Variants in DENND4A observed in about 807,000 individuals in gnomAD.
DENND4A encodes C-myc promoter-binding protein.
A neutral mutation model predicts 199.3 loss-of-function variants in DENND4A; 70 were observed. That is an observed-to-expected ratio of 0.35 (90% CI 0.29 to 0.43). The LOEUF (loss-of-function observed/expected upper bound fraction) is 0.43. Among genes scored for constraint, DENND4A ranks in the 20% least tolerant of loss-of-function variants. DENND4A has a pLI of 1.00. For missense variants in DENND4A, 1,723 were observed against 2,255.8 expected (o/e 0.76, Z 4.78); for synonymous variants, 686 against 766.9 (o/e 0.89, Z 1.74).
intron 11 of DENND4A, chr15:65,725,939 T>C (rs998013216): frequency 4.6e-5 from 7 of 152,138 alleles, no homozygotes; most frequent in African/African-American, 1.7e-4. Context: ...GAAATTCTAA[T>C]TGAAGGAAAG....
At chr15:65,710,458 C>A (rs909425062) in intron 14 of DENND4A, among the ~76,000 whole-genome samples, 4 of 152,116 alleles carry the variant, frequency 2.6e-5, no homozygotes, top group Non-Finnish European at 5.9e-5. Flanking sequence ...AATAGTTACA[C>A]AAATGTATGC....
intron 1 of DENND4A, among the ~76,000 whole-genome samples, chr15:65,774,312 G>A (rs1186393559): frequency 6.6e-6 from 1 of 152,150 alleles, no homozygotes. Context: ...CCAACATGGA[G>A]AAACCCAGTC....
At chr15:65,757,266 G>GC (rs930540474) in intron 2 of DENND4A, among the ~76,000 whole-genome samples, 2 of 147,588 alleles carry the variant, frequency 1.4e-5, no homozygotes, top group African/African-American at 5.0e-5. Flanking sequence ...CTGAGATGGG[G>GC]GGGGGGGGGT....
At chr15:65,778,869 G>A (rs1017730165) in intron 1 of DENND4A, among the ~76,000 whole-genome samples, 12 of 150,072 alleles carry the variant, frequency 8.0e-5, no homozygotes, top group African/African-American at 1.5e-4. Context: ...ACTCCAGCCC[G>A]GGTGACACAA....
chr15:65,776,126 T>A (rs188786426), intron 1 of DENND4A, among the ~76,000 whole-genome samples: 21 of 152,336 alleles, frequency 1.4e-4, no homozygotes, highest in Non-Finnish European at 2.6e-4. Flanking sequence ...TCTTTGAACA[T>A]CTATTCTTCT....
intron 1 of DENND4A, among the ~76,000 whole-genome samples, chr15:65,767,552 C>T (rs2077019046): frequency 6.6e-6 from 1 of 152,192 alleles, no homozygotes; most frequent in African/African-American, 2.4e-5. Context: ...AGCAATTCTC[C>T]TACCTTGCCT....
At chr15:65,683,904 C>A (rs2076665081) in intron 23 of DENND4A, among the ~76,000 whole-genome samples, 1 of 152,212 alleles carries the variant, frequency 6.6e-6, no homozygotes, top group Admixed American at 6.5e-5. Context: ...CTTCCTAACA[C>A]CAGGCAACCA....
At chr15:65,729,048 G>T in intron 11 of DENND4A, 24 bp downstream of exon 11, 1 of 1,553,672 alleles carries the variant, frequency 6.4e-7, no homozygotes, top group Non-Finnish European at 8.7e-7. Flanking sequence ...AAATATACAT[G>T]TAGAATCACT....
chr15:65,702,597 T>C, intron 16 of DENND4A, 86 bp from the exon 17 acceptor site: 6 of 1,150,836 alleles, frequency 5.2e-6, no homozygotes, highest in Non-Finnish European at 3.7e-6. Context: ...ACAAGTCACA[T>C]GCTTTTATAA....
intron 3 of DENND4A, among the ~76,000 whole-genome samples, chr15:65,755,389 G>A (rs1465719589): frequency 2.6e-5 from 4 of 152,162 alleles, no homozygotes; most frequent in Admixed American, 1.3e-4. Context: ...TATGGTATAC[G>A]AATTGTATCT....
intron 1 of DENND4A, among the ~76,000 whole-genome samples, chr15:65,773,697 A>T (rs572402862): frequency 5.3e-5 from 8 of 152,342 alleles, no homozygotes; most frequent in African/African-American, 1.9e-4. Context: ...CAGTGACAAA[A>T]GGAAGACTGG....
chr15:65,704,901 T>TA (rs1250993090), intron 15 of DENND4A, among the ~76,000 whole-genome samples: 3 of 152,206 alleles, frequency 2.0e-5, no homozygotes, highest in Non-Finnish European at 4.4e-5. Context: ...CAAATTTTCT[T>TA]AGAGTTAAAG....
intron 24 of DENND4A, among the ~76,000 whole-genome samples, chr15:65,673,578 C>T (rs1363832105): frequency 6.8e-6 from 1 of 147,500 alleles, no homozygotes; most frequent in Non-Finnish European, 1.5e-5. Context: ...GGGATACAAT[C>T]AGCATGATCC....
intron 2 of DENND4A, among the ~76,000 whole-genome samples, chr15:65,758,399 G>C (rs2076768418): frequency 6.6e-6 from 1 of 152,102 alleles, no homozygotes; most frequent in South Asian, 2.1e-4. Context: ...CTGCAGCCTT[G>C]ACCACCTGGG....
Position 65,661,663 on chromosome 15 carries a change from A to G in DENND4A, c.*188T>C, listed in dbSNP as rs2075847096. ...AAGAAGAAAAAAGAAATGAGAAACA[A>G]AGTGGCTTTCTCCCCACTTGTCACT... On this transcript the variant is annotated 3_prime_UTR_variant, in exon 33 of 33. Coordinates refer to ENST00000443035, the MANE Select transcript of DENND4A (RefSeq NM_001320835.1). The G allele has an allele frequency of 2.4e-6, 1 of 425,126 alleles. No homozygotes were observed. Among genetic ancestry groups the G allele is most frequent in the African/African-American group, 2.0e-5 (1 of 49,424 alleles). 26.3% of individuals were successfully genotyped at this position (425,126 alleles called of 1,614,324 possible).
In DENND4A at chr15:65,664,726, T is replaced by C. The variant is rs1390108358; in HGVS notation, c.5360-4A>G. The C allele has an allele frequency of 1.2e-6, 2 of 1,606,646 alleles. No individual in the cohort carries two copies. Among genetic ancestry groups the C allele is most frequent in the East Asian group, 4.5e-5 (2 of 44,682 alleles). ...TGGACCATTGGATATTTTTGGGCTG[T>C]AAACGAACAAAAGAACAGATGAAGG... On this transcript the variant is annotated splice_polypyrimidine_tract_variant and splice_region_variant and intron_variant, in intron 30 of 32. Coordinates refer to ENST00000443035, the MANE Select transcript of DENND4A (RefSeq NM_001320835.1).
intron 17 of DENND4A, 126 bp downstream of exon 17, chr15:65,702,179 G>T: frequency 2.4e-6 from 2 of 822,032 alleles, no homozygotes; most frequent in Non-Finnish European, 1.9e-6. Flanking sequence ...TGGGAGGATT[G>T]CATCTCTTGA....
chr15:65,782,096 T>A (rs980828491), intron 1 of DENND4A, among the ~76,000 whole-genome samples: 8 of 152,140 alleles, frequency 5.3e-5, no homozygotes, highest in African/African-American at 1.7e-4. Context: ...TATTTTCTCA[T>A]CTGCAAAACT....
chr15:65,737,913 T>G lies in DENND4A; in HGVS notation c.834A>C (p.Pro278=). 6.3e-7 allele frequency: 1 copy of G among 1,598,130 alleles called. No homozygotes were observed. Among genetic ancestry groups the G allele is most frequent in the South Asian group, 1.1e-5 (1 of 88,434 alleles). Residue 278 remains proline (P), a synonymous_variant, in exon 7 of 33, where the codon CCA becomes CCC. Transcript: ENST00000443035. The part of the protein sequence containing the change: ...VYGAAIQFYE[P]YSEENLTEKQ... ...TTTCTGTGAGATTCTCCTCAGAGTA[T>G]GGTTCATAAAACTGAATAGCAGCAC...
Sources: allele counts gnomAD v4.1 joint callset (sites outside exome capture counted in the v4.1 genomes callset), GRCh38; gene constraint gnomAD v4.1.1; transcripts MANE v1.5; gene names NCBI Gene and HGNC (gene_info 2026-07-23, HGNC 2026-07-21).